Variants in BBS9 observed in about 807,000 individuals in gnomAD.
BBS9 encodes the protein Bardet-Biedl syndrome 9.
BBS9 carries 89 observed loss-of-function variants against 117.7 expected under a neutral mutation model. That is an observed-to-expected ratio of 0.76 (90% CI 0.64 to 0.90). The LOEUF (loss-of-function observed/expected upper bound fraction) is 0.90. Ranked by LOEUF, BBS9 falls within the 40% of genes least tolerant of loss-of-function variation. BBS9 has a pLI of 0.00. For missense variants in BBS9, 982 were observed against 1,042.2 expected (o/e 0.94, Z 0.80); for synonymous variants, 379 against 370.9 (o/e 1.02, Z -0.25).
chr7:33,527,030 G>A (rs1350285892), intron 20 of BBS9, among the ~76,000 whole-genome samples: 2 of 151,514 alleles, frequency 1.3e-5, no homozygotes, highest in Non-Finnish European at 2.9e-5. Context: ...GTGTGCCCCT[G>A]TTGGGGGGTG....
chr7:33,141,793 C>A (rs1238952060), intron 1 of BBS9, among the ~76,000 whole-genome samples: 1 of 152,066 alleles, frequency 6.6e-6, no homozygotes, highest in East Asian at 1.9e-4. Flanking sequence ...TAGCAACCAC[C>A]TATCTGTTCT....
At chr7:33,219,250 G>A (rs531661714) in intron 5 of BBS9, among the ~76,000 whole-genome samples, 1 of 152,314 alleles carries the variant, frequency 6.6e-6, no homozygotes, top group African/African-American at 2.4e-5. Context: ...CCATGCCTGA[G>A]CCTCCCACCC....
intron 19 of BBS9, among the ~76,000 whole-genome samples, chr7:33,432,898 T>C (rs569759775): frequency 1.3e-5 from 2 of 152,164 alleles, no homozygotes; most frequent in South Asian, 4.1e-4. Flanking sequence ...GCTAGTTTCT[T>C]CTCTCCCTCA....
chr7:33,596,715 C>A (rs891729515), intron 21 of BBS9, among the ~76,000 whole-genome samples: 1 of 152,106 alleles, frequency 6.6e-6, no homozygotes, highest in Non-Finnish European at 1.5e-5. Flanking sequence ...GTCATTTACA[C>A]CTTTTGTAAA....
At chr7:33,466,900 T>G (rs12669218) in intron 19 of BBS9, among the ~76,000 whole-genome samples, 113,847 of 151,536 alleles carry the variant, frequency 0.75, 43,175 homozygotes, top group African/African-American at 0.85. Context: ...AGGGAGAGAG[T>G]GGTATACACA....
chr7:33,344,180 C>G lies in BBS9; in HGVS notation c.1276-401C>G, dbSNP rs1034087395. Among the ~76,000 whole-genome samples the G allele has an allele frequency of 7.8e-5, 11 of 141,496 alleles. 1 individual carries two copies. The Admixed American group carries it at 8.3e-4, about 11-fold the overall frequency. The allele number at this position is 141,496 out of a possible 152,430, so 92.8% of individuals were successfully genotyped here. A position where few individuals can be genotyped will look rare whatever the true frequency, so the allele number is the denominator to read the frequency against. On this transcript the variant is annotated intron_variant, in intron 11 of 22. Coordinates refer to ENST00000242067, the MANE Select transcript of BBS9 (RefSeq NM_198428.3). ...CACTGCAAGCTCCGCCTCCCGGGTT[C>G]ATGCCATTCTCCTGCCTCAGCCTCC...
chr7:33,211,159 A>G (rs373717108), intron 5 of BBS9, among the ~76,000 whole-genome samples: 3 of 152,150 alleles, frequency 2.0e-5, no homozygotes, highest in East Asian at 3.9e-4. Context: ...AGTTTAGTCC[A>G]TTTACATTTA....
At chr7:33,551,269 T>C (rs1854371700) in intron 21 of BBS9, among the ~76,000 whole-genome samples, 1 of 152,114 alleles carries the variant, frequency 6.6e-6, no homozygotes, top group Non-Finnish European at 1.5e-5. Flanking sequence ...AATGTGGTGA[T>C]AGATATTAAG....
At chr7:33,225,406 C>T (rs867728402) in intron 5 of BBS9, among the ~76,000 whole-genome samples, 7 of 152,188 alleles carry the variant, frequency 4.6e-5, no homozygotes, top group South Asian at 4.1e-4. Context: ...GCTATGTTGC[C>T]CAGGCTGGTC....
chr7:33,406,406 T>C (rs1470329615), intron 19 of BBS9, among the ~76,000 whole-genome samples: 1 of 152,200 alleles, frequency 6.6e-6, no homozygotes, highest in Admixed American at 6.5e-5. Context: ...AGTCTGTGTC[T>C]TTTAATTGGA....
intron 9 of BBS9, among the ~76,000 whole-genome samples, chr7:33,319,241 C>G (rs576826958): frequency 4.6e-4 from 70 of 151,754 alleles, no homozygotes; most frequent in Non-Finnish European, 9.3e-4. Flanking sequence ...CTTTTTATGG[C>G]TGAGTAGTAT....
At chr7:33,575,012 C>G (rs1858547972) in intron 21 of BBS9, among the ~76,000 whole-genome samples, 2 of 152,050 alleles carry the variant, frequency 1.3e-5, no homozygotes, top group Admixed American at 1.3e-4. Flanking sequence ...GGGCTTTTAT[C>G]TGGCTTCTAC....
At chr7:33,309,370 A>G (rs1808704410) in intron 9 of BBS9, among the ~76,000 whole-genome samples, 1 of 147,376 alleles carries the variant, frequency 6.8e-6, no homozygotes, top group Non-Finnish European at 1.5e-5. Context: ...AACACGTTTG[A>G]CTGGTGAATG....
rs370229036 is a variant in BBS9, at chr7:33,151,850, C to T, written c.113-851C>T. Among the ~76,000 whole-genome samples, 120 of 82,338 alleles carry T rather than the reference C, an allele frequency of 1.5e-3. 1 individual carries two copies. The Middle Eastern group carries it at 0.056, about 38-fold the overall frequency. 54.0% of individuals were successfully genotyped at this position (82,338 alleles called of 152,430 possible). On this transcript the variant is annotated intron_variant, in intron 2 of 22. Transcript: ENST00000242067. ...ACAGGCATGAGCCACTGCACCCAGC[C>T]TTTTTTTTTTTTTTTTTTTTTTTCA...
chr7:33,428,527 AT>A (rs1833958553), intron 19 of BBS9, among the ~76,000 whole-genome samples: 1 of 152,116 alleles, frequency 6.6e-6, no homozygotes, highest in African/African-American at 2.4e-5. Context: ...GGAGATAATT[AT>A]TCTTTTCTCT....
chr7:33,480,888 T>G (rs1439242682), intron 19 of BBS9, among the ~76,000 whole-genome samples: 3 of 152,120 alleles, frequency 2.0e-5, no homozygotes, highest in Non-Finnish European at 4.4e-5. Flanking sequence ...TCAGGAGAGC[T>G]GATGGTTTAA....
At chr7:33,578,889 A>G (rs951917283) in intron 21 of BBS9, among the ~76,000 whole-genome samples, 2 of 145,552 alleles carry the variant, frequency 1.4e-5, no homozygotes, top group African/African-American at 4.9e-5. Flanking sequence ...ATATGCAAAA[A>G]CATATGCAAG....
intron 21 of BBS9, among the ~76,000 whole-genome samples, chr7:33,589,924 G>A (rs560366715): frequency 2.0e-5 from 3 of 152,218 alleles, no homozygotes; most frequent in South Asian, 4.1e-4. Context: ...ACTGAGTGCT[G>A]GATATTGTAA....
At chr7:33,368,616 A>ACACACC (rs996468631) in intron 17 of BBS9, among the ~76,000 whole-genome samples, 5 of 145,600 alleles carry the variant, frequency 3.4e-5, no homozygotes, top group African/African-American at 7.9e-5. Context: ...ACACACACAC[A>ACACACC]CCCATACCCC....
Sources: allele counts gnomAD v4.1 joint callset (sites outside exome capture counted in the v4.1 genomes callset), GRCh38; gene constraint gnomAD v4.1.1; transcripts MANE v1.5; gene names NCBI Gene and HGNC (gene_info 2026-07-23, HGNC 2026-07-21).